The following FAM135A variants were observed in gnomAD, a reference collection of about 807,000 sequenced individuals.
The protein encoded by FAM135A is protein FAM135A.
FAM135A carries 79 observed loss-of-function variants against 146.8 expected under a neutral mutation model. The observed-to-expected ratio is 0.54, with a 90% confidence interval of 0.45 to 0.65. The LOEUF (loss-of-function observed/expected upper bound fraction) is 0.65. Among genes scored for constraint, FAM135A ranks in the 30% least tolerant of loss-of-function variants. The pLI is 0.00. For missense variants in FAM135A, 1,623 were observed against 1,758.2 expected, an observed-to-expected ratio of 0.92 and a Z score of 1.38; for synonymous variants, 562 against 603.6, an observed-to-expected ratio of 0.93 and a Z score of 1.01.
chr6:70,538,663 G>T (rs1015613090), intron 20 of FAM135A, among the ~76,000 whole-genome samples: 1 of 151,708 alleles, frequency 6.6e-6, no homozygotes, highest in Admixed American at 6.6e-5. Context: ...TTCAACATTT[G>T]TAACTCAGTG....
chr6:70,454,092 T>C (rs1385643292), intron 5 of FAM135A, among the ~76,000 whole-genome samples: 1 of 152,230 alleles, frequency 6.6e-6, no homozygotes, highest in Non-Finnish European at 1.5e-5. Context: ...CCTGACTTTT[T>C]AATGATCACC....
intron 4 of FAM135A, among the ~76,000 whole-genome samples, chr6:70,437,302 AG>A (rs2127889099): frequency 6.6e-6 from 1 of 152,272 alleles, no homozygotes; most frequent in East Asian, 1.9e-4. Context: ...CAGTAAGTAT[AG>A]ACGTTTCTTC....
chr6:70,483,834 T>C (rs10485118), intron 10 of FAM135A, among the ~76,000 whole-genome samples: 6,524 of 152,260 alleles, frequency 0.043, 300 homozygotes, highest in African/African-American at 0.1. Flanking sequence ...GTTAATAGCT[T>C]TGATGTGGAA....
At chr6:70,536,092 A>G in intron 18 of FAM135A, 168 bp from the exon 19 acceptor site, 1 of 559,618 alleles carries the variant, frequency 1.8e-6, no homozygotes, top group Non-Finnish European at 3.0e-6. Context: ...ACATTCTCAC[A>G]TTTTTTCCTT....
At chr6:70,556,642 CTT>C (rs1800895137) in intron 20 of FAM135A, 106 bp from the exon 21 acceptor site, 2 of 662,530 alleles carry the variant, frequency 3.0e-6, no homozygotes, top group East Asian at 5.7e-5. Flanking sequence ...AAGTCAGAAA[CTT>C]AGTACTGCTA....
At chr6:70,445,867 A>G (rs945508949) in intron 4 of FAM135A, among the ~76,000 whole-genome samples, 1 of 152,326 alleles carries the variant, frequency 6.6e-6, no homozygotes, top group South Asian at 2.1e-4. Context: ...GCTGTTCCCA[A>G]CATATCCCCC....
At chr6:70,450,078 G>A (rs1776693374) in intron 4 of FAM135A, among the ~76,000 whole-genome samples, 1 of 152,142 alleles carries the variant, frequency 6.6e-6, no homozygotes, top group African/African-American at 2.4e-5. Context: ...GTTTATTCAT[G>A]CACTTTGCCC....
intron 20 of FAM135A, among the ~76,000 whole-genome samples, chr6:70,556,201 A>C (rs1178031767): frequency 6.6e-6 from 1 of 152,176 alleles, no homozygotes; most frequent in Non-Finnish European, 1.5e-5. Flanking sequence ...GTGAGCCGAG[A>C]TTGCACCACT....
At chr6:70,541,861 C>T (rs544304584) in intron 20 of FAM135A, among the ~76,000 whole-genome samples, 1 of 152,280 alleles carries the variant, frequency 6.6e-6, no homozygotes, top group East Asian at 1.9e-4. Context: ...AGAAAGTGTT[C>T]TTGACTCTGC....
At chr6:70,445,662 T>C (rs1775534557) in intron 4 of FAM135A, among the ~76,000 whole-genome samples, 1 of 152,250 alleles carries the variant, frequency 6.6e-6, no homozygotes, top group Non-Finnish European at 1.5e-5. Flanking sequence ...GTTCATGCTA[T>C]TGTTTGTGGT....
At chr6:70,482,224 C>G in intron 10 of FAM135A, 70 bp downstream of exon 10, 1 of 1,471,978 alleles carries the variant, frequency 6.8e-7, no homozygotes. Flanking sequence ...TGCTAGCTAT[C>G]AGCTTTGCCA....
chr6:70,452,721 A>G, intron 5 of FAM135A, 150 bp downstream of exon 5: 1 of 539,512 alleles, frequency 1.9e-6, no homozygotes, highest in Non-Finnish European at 3.2e-6. Context: ...GACTCAGTGA[A>G]ACAGATTTGA....
At chr6:70,537,729 C>T (rs1797041300) in intron 19 of FAM135A, among the ~76,000 whole-genome samples, 1 of 151,998 alleles carries the variant, frequency 6.6e-6, no homozygotes, top group African/African-American at 2.4e-5. Flanking sequence ...TGAAATTTTG[C>T]TTAATTTCCT....
chr6:70,502,332 A>G (rs1471252260), intron 11 of FAM135A, among the ~76,000 whole-genome samples: 1 of 152,176 alleles, frequency 6.6e-6, no homozygotes, highest in Non-Finnish European at 1.5e-5. Flanking sequence ...TTAGAAGCTG[A>G]TCATTCTCTA....
chr6:70,481,140 ATAGATC>A, intron 9 of FAM135A, 113 bp downstream of exon 9: 1 of 965,056 alleles, frequency 1.0e-6, no homozygotes, highest in Non-Finnish European at 1.4e-6. Context: ...TCAGCAACTT[ATAGATC>A]TAATTAAATA....
At chr6:70,536,842 T>C (rs571071651) in intron 19 of FAM135A, among the ~76,000 whole-genome samples, 1 of 152,144 alleles carries the variant, frequency 6.6e-6, no homozygotes, top group East Asian at 1.9e-4. Flanking sequence ...TTTACGAAGG[T>C]GATTCAGAAT....
At chr6:70,550,675 G>C (rs1386707772) in intron 20 of FAM135A, among the ~76,000 whole-genome samples, 1 of 152,176 alleles carries the variant, frequency 6.6e-6, no homozygotes, top group Non-Finnish European at 1.5e-5. Flanking sequence ...AGGATTTTAG[G>C]AATGATAAGT....
intron 12 of FAM135A, among the ~76,000 whole-genome samples, chr6:70,515,082 A>G (rs1791897790): frequency 6.6e-6 from 1 of 152,234 alleles, no homozygotes; most frequent in Admixed American, 6.5e-5. Flanking sequence ...TATACCTATA[A>G]GAATGGCTAT....
Position 70,533,802 on chromosome 6 carries a change from G to C in FAM135A, c.3913G>C (p.Asp1305His). The change falls in exon 18 of 22, where the codon GAT (aspartate) becomes CAT (histidine). Residue 1305 changes from aspartate to histidine, a missense_variant. Transcript: ENST00000418814. ...TGATAGCATGACTGATCGTCTTTTG[G>C]ATGAGATAATACAGTATATTCAGAT... ...DFDSMTDRLLDEIIQYIQIYS... is the reference protein window; with the variant it reads ...DFDSMTDRLLHEIIQYIQIYS... The C allele has an allele frequency of 6.3e-7, 1 of 1,586,672 alleles. No homozygotes were observed. The highest frequency in any genetic ancestry group is 8.5e-7 in the Non-Finnish European group (1 of 1,170,258).
Sources: gnomAD v4.1 joint callset for allele counts (sites outside exome capture counted in the v4.1 genomes callset) on GRCh38, gnomAD v4.1.1 for gene constraint, MANE v1.5 for transcripts, NCBI Gene and HGNC (gene_info 2026-07-23, HGNC 2026-07-21) for gene names.